Variants in IQCB1 observed in about 807,000 individuals in gnomAD.
IQCB1 encodes IQ motif containing B1, also known as IQ calmodulin-binding motif-containing protein 1.
In IQCB1, 56 loss-of-function variants were observed where a neutral mutation model predicts 84.4. The observed-to-expected ratio is 0.66, with a 90% CI of 0.54 to 0.83. The LOEUF is 0.83. Ranked by LOEUF, IQCB1 falls within the 40% of genes least tolerant of loss-of-function variation. The pLI is 0.00. For missense variants in IQCB1, 629 were observed against 682.1 expected, an observed-to-expected ratio of 0.92 and a Z score of 0.87; for synonymous variants, 210 against 234.8, an observed-to-expected ratio of 0.89 and a Z score of 0.96.
intron 8 of IQCB1, among the ~76,000 whole-genome samples, chr3:121,797,680 A>G (rs1389429036): frequency 6.6e-6 from 1 of 152,100 alleles, no homozygotes; most frequent in Non-Finnish European, 1.5e-5. Context: ...TAGTTGAAAA[A>G]GATTATTAAA....
intron 5 of IQCB1, among the ~76,000 whole-genome samples, chr3:121,810,129 C>T (rs1949769030): frequency 3.3e-5 from 5 of 152,086 alleles, no homozygotes; most frequent in Admixed American, 3.3e-4. Flanking sequence ...CCTTAAAATG[C>T]ACATTAGATA....
intron 2 of IQCB1, among the ~76,000 whole-genome samples, chr3:121,833,649 C>T (rs2107472917): frequency 6.6e-6 from 1 of 151,890 alleles, no homozygotes; most frequent in South Asian, 2.1e-4. Flanking sequence ...CACACAGATA[C>T]AAAAAAATAT....
In IQCB1 at chr3:121,828,614, G is replaced by T; in HGVS notation, c.119C>A (p.Pro40His). 6.3e-7 allele frequency: 1 copy of T among 1,599,542 alleles called. No homozygotes were observed. The change falls in exon 4 of 15, where the codon CCT (proline) becomes CAT (histidine). Residue 40 changes from proline (P) to histidine (H), a missense_variant. Coordinates refer to ENST00000310864, the MANE Select transcript of IQCB1 (RefSeq NM_001023570.4). ...LKLKEIINIT[P>H]LGSSELKKIK... The stretch of plus-strand genomic sequence containing the variant: ...TTTCTTCAACTCTGAGCTTCCTAAA[G>T]GTGTGATGTTTATTATTTCTAAGGC...
At chr3:121,783,215 AC>A (rs1948576892) in intron 12 of IQCB1, among the ~76,000 whole-genome samples, 1 of 152,170 alleles carries the variant, frequency 6.6e-6, no homozygotes, top group Non-Finnish European at 1.5e-5. Context: ...TACTAGAGTT[AC>A]CCACTTACCC....
At chr3:121,818,064 T>C (rs1200773693) in intron 5 of IQCB1, among the ~76,000 whole-genome samples, 5 of 152,202 alleles carry the variant, frequency 3.3e-5, no homozygotes, top group African/African-American at 1.2e-4. Context: ...TGGTATTTTG[T>C]TACAGCAGCC....
chr3:121,829,583 C>A (rs1312566393), intron 2 of IQCB1, among the ~76,000 whole-genome samples: 1 of 152,144 alleles, frequency 6.6e-6, no homozygotes, highest in African/African-American at 2.4e-5. Flanking sequence ...TGGCCATCCT[C>A]CAATAAAAAT....
Position 121,808,958 on chromosome 3 carries a change from G to A in IQCB1, c.445C>T (p.Leu149Phe), listed in dbSNP as rs1001594561. The A allele has an allele frequency of 1.2e-6, 2 of 1,611,116 alleles. No individual in the cohort carries two copies. The highest frequency in any genetic ancestry group is 8.5e-7 in the Non-Finnish European group (1 of 1,177,766). Residue 149 changes from leucine (L) to phenylalanine (F), a missense_variant, in exon 6 of 15, where the codon CTC becomes TTC. Physicochemically the swap from Leu to Phe is conservative, Grantham distance 22. Transcript: ENST00000310864. ...ACATGGCCTCCCAAAAGCCAGAAGAGAGAATCAGTCACAATTTGGAAAAAG... is the reference window on the plus strand; with the variant it reads ...ACATGGCCTCCCAAAAGCCAGAAGAAAGAATCAGTCACAATTTGGAAAAAG... ...LHFFQIVTDSLFWLLGGHVEL... is the reference protein window; with the variant it reads ...LHFFQIVTDSFFWLLGGHVEL...
rs141690316 is a variant in IQCB1 at position 121,788,524 on chromosome 3, CTTTTTA to C, written c.1130-98_1130-93del. 0.24 allele frequency: 292,180 copies of C among 1,196,354 alleles called. 38,961 individuals carry two copies. Among genetic ancestry groups the C allele is most frequent in the Non-Finnish European group, 0.27 (221,998 of 811,850 alleles). The allele number at this position is 1,196,354 out of a possible 1,614,324, so 74.1% of individuals were successfully genotyped here. On this transcript the variant is annotated intron_variant, in intron 11 of 14. Transcript: ENST00000310864. ...ACAATGATAATAATAATCTTGCATTCTTTTTATTTTTGTCAATATTGTTCACTAATT... is the reference window on the plus strand; with the variant it reads ...ACAATGATAATAATAATCTTGCATTCTTTTTGTCAATATTGTTCACTAATT...
chr3:121,828,051 T>C lies in IQCB1; in HGVS notation c.263+419A>G, dbSNP rs932693331. On this transcript the variant is annotated intron_variant, in intron 4 of 14. Transcript: ENST00000310864. Reference sequence around the variant, plus strand: ...AAATGTTTCTTTATCAGTTCTCCTATAGTACTTGCTTGCATACTTTCATTT... The same window carrying C: ...AAATGTTTCTTTATCAGTTCTCCTACAGTACTTGCTTGCATACTTTCATTT... Among the ~76,000 whole-genome samples, 5 of 152,256 alleles carry C rather than the reference T, an allele frequency of 3.3e-5. No homozygotes were observed. In the East Asian group the frequency reaches 7.7e-4, roughly 23 times the overall value.
intron 13 of IQCB1, among the ~76,000 whole-genome samples, chr3:121,777,567 G>A (rs541627196): frequency 1.1e-3 from 172 of 152,280 alleles, no homozygotes; most frequent in Non-Finnish European, 2.1e-3. Context: ...ACACATGGCT[G>A]TAATTACCAT....
At chr3:121,802,872 A>G (rs1949461596) in intron 7 of IQCB1, among the ~76,000 whole-genome samples, 1 of 152,022 alleles carries the variant, frequency 6.6e-6, no homozygotes, top group South Asian at 2.1e-4. Context: ...TTTTATTTCC[A>G]TTCATTTAAA....
chr3:121,793,996 A>G (rs1350919928), intron 10 of IQCB1, among the ~76,000 whole-genome samples: 2 of 152,166 alleles, frequency 1.3e-5, no homozygotes, highest in African/African-American at 4.8e-5. Context: ...AGCAGGTGGA[A>G]TCCATAAGTA....
rs1253579818 is a variant in IQCB1, at chr3:121,799,181, G to A, written c.766+15C>T. On this transcript the variant is annotated intron_variant, in intron 8 of 14. Transcript: ENST00000310864. ...TTTTTGAGAATCCCAAGAAAAGAAAGAATGAATGTACTACCTTTGTAGCAG... is the reference window on the plus strand; with the variant it reads ...TTTTTGAGAATCCCAAGAAAAGAAAAAATGAATGTACTACCTTTGTAGCAG... 6.3e-7 allele frequency: 1 copy of A among 1,587,832 alleles called. No homozygotes were observed. Among genetic ancestry groups the A allele is most frequent in the East Asian group, 2.2e-5 (1 of 44,600 alleles).
chr3:121,827,311 TTTG>T (rs920290058), intron 4 of IQCB1, among the ~76,000 whole-genome samples: 5 of 152,090 alleles, frequency 3.3e-5, no homozygotes, highest in South Asian at 2.1e-4. Flanking sequence ...TGTATCACTT[TTTG>T]TTGTTGTTGT....
chr3:121,779,917 G>A (rs1026554357), intron 13 of IQCB1, among the ~76,000 whole-genome samples: 3 of 152,146 alleles, frequency 2.0e-5, no homozygotes, highest in African/African-American at 7.2e-5. Flanking sequence ...AGTTTCTCCA[G>A]CATATTTGAT....
At chr3:121,825,975 G>T in intron 5 of IQCB1, 76 bp downstream of exon 5, 2 of 1,301,984 alleles carry the variant, frequency 1.5e-6, no homozygotes, top group Non-Finnish European at 2.2e-6. Context: ...GCCAAATATT[G>T]CACATTTAAA....
At chr3:121,826,345 A>G (rs988073665) in intron 4 of IQCB1, among the ~76,000 whole-genome samples, 165 bp from the exon 5 acceptor site, 3 of 152,258 alleles carry the variant, frequency 2.0e-5, no homozygotes, top group African/African-American at 4.8e-5. Context: ...AGAAAAGTAA[A>G]CAGTGGTATG....
At chr3:121,810,210 A>C (rs950980384) in intron 5 of IQCB1, among the ~76,000 whole-genome samples, 1 of 152,172 alleles carries the variant, frequency 6.6e-6, no homozygotes, top group African/African-American at 2.4e-5. Context: ...ATTCTCACAT[A>C]TACTCACACA....
chr3:121,807,810 C>T (rs997085176), intron 6 of IQCB1, among the ~76,000 whole-genome samples: 6 of 151,996 alleles, frequency 3.9e-5, no homozygotes, highest in African/African-American at 1.4e-4. Context: ...ACGGAAATGG[C>T]ACAGATGACT....
Sources: gnomAD v4.1 joint callset for allele counts (sites outside exome capture counted in the v4.1 genomes callset) on GRCh38, gnomAD v4.1.1 for gene constraint, MANE v1.5 for transcripts, NCBI Gene and HGNC (gene_info 2026-07-23, HGNC 2026-07-21) for gene names.